The following KALRN variants were observed in gnomAD, a reference collection of about 807,000 sequenced individuals.
KALRN encodes the protein kalirin RhoGEF kinase.
Under a neutral mutation model 353.7 loss-of-function variants are expected in KALRN, and 70 were observed. The observed-to-expected ratio is 0.20, with a 90% CI of 0.16 to 0.24. The LOEUF (loss-of-function observed/expected upper bound fraction) is 0.24, where lower values mean the gene tolerates loss of function less well. Ranked by LOEUF, KALRN falls within the 10% of genes least tolerant of loss-of-function variation. The pLI, the probability that KALRN is intolerant of heterozygous loss-of-function variation, is 1.00. For missense variants in KALRN, 2,791 were observed against 3,756.7 expected (o/e 0.74, Z 6.72); for synonymous variants, 1,391 against 1,434.8 (o/e 0.97, Z 0.69).
intron 12 of KALRN, 49 bp from the exon 13 acceptor site, chr3:124,398,648 T>C: frequency 6.3e-7 from 1 of 1,599,090 alleles, no homozygotes; most frequent in Non-Finnish European, 8.6e-7. Context: ...CTGTCACTTT[T>C]AACATGGAAA....
At chr3:124,300,490 G>A (rs566764726) in intron 6 of KALRN, among the ~76,000 whole-genome samples, 24 of 152,288 alleles carry the variant, frequency 1.6e-4, no homozygotes, top group African/African-American at 5.8e-4. Context: ...GTCTTGCCAG[G>A]CAAAGCATGT....
At chr3:124,131,396 C>T (rs981641221) in intron 1 of KALRN, among the ~76,000 whole-genome samples, 27 of 152,272 alleles carry the variant, frequency 1.8e-4, no homozygotes, top group Admixed American at 1.6e-3. Context: ...TCCAGTCACT[C>T]CTCTACCTTT....
chr3:124,050,814 G>T (rs1368917923), intron 1 of KALRN, among the ~76,000 whole-genome samples: 1 of 152,164 alleles, frequency 6.6e-6, no homozygotes, highest in Non-Finnish European at 1.5e-5. Context: ...GGGAGCTTGA[G>T]AATTCAAGCT....
At chr3:124,257,787 C>G (rs1310247407) in intron 3 of KALRN, among the ~76,000 whole-genome samples, 1 of 152,112 alleles carries the variant, frequency 6.6e-6, no homozygotes, top group Non-Finnish European at 1.5e-5. Context: ...AGGGGGTCAC[C>G]CACTGTTCTT....
chr3:124,582,264 G>A (rs1270002414), intron 34 of KALRN, among the ~76,000 whole-genome samples: 2 of 151,996 alleles, frequency 1.3e-5, no homozygotes, highest in African/African-American at 2.4e-5. Flanking sequence ...CAGGTGATCC[G>A]CCCACCTTGG....
chr3:124,293,266 A>G (rs1462058094), intron 5 of KALRN, among the ~76,000 whole-genome samples: 1 of 152,238 alleles, frequency 6.6e-6, no homozygotes, highest in African/African-American at 2.4e-5. Flanking sequence ...CATATTTAAT[A>G]CCAATGTAAT....
chr3:124,035,266 A>G (rs2039311752), intron 1 of KALRN, among the ~76,000 whole-genome samples: 1 of 151,952 alleles, frequency 6.6e-6, no homozygotes, highest in Non-Finnish European at 1.5e-5. Flanking sequence ...CAGCACCCAA[A>G]AGCATGGATT....
chr3:124,367,070 C>A (rs2084880933), intron 10 of KALRN, among the ~76,000 whole-genome samples: 2 of 131,878 alleles, frequency 1.5e-5, no homozygotes, highest in Non-Finnish European at 3.3e-5. Context: ...GCTGACCCCC[C>A]CACCTCCCTC....
In KALRN at chr3:124,268,851, C is replaced by A. The variant is rs749782159; in HGVS notation, c.565C>A (p.Arg189=). The stretch of plus-strand genomic sequence containing the variant: ...CAACCATGAGGAGTGGATCGAACTG[C>A]GGCTCTCCCTGGAGGAGTTCTTCAA... ...DYNHEEWIEL[R]LSLEEFFNSA... is the part of the protein sequence containing the mutation. The change falls in exon 5 of 60, where the codon CGG becomes AGG. Residue 189 remains arginine (R), a synonymous_variant. Coordinates refer to ENST00000682506, the MANE Select transcript of KALRN (RefSeq NM_001388419.1). 1.2e-6 allele frequency: 2 copies of A among 1,614,108 alleles called. No individual in the cohort carries two copies. Among genetic ancestry groups the A allele is most frequent in the Admixed American group, 1.7e-5 (1 of 60,018 alleles).
At chr3:124,514,605 A>T (rs947885178) in intron 33 of KALRN, among the ~76,000 whole-genome samples, 4 of 152,170 alleles carry the variant, frequency 2.6e-5, no homozygotes, top group African/African-American at 9.7e-5. Context: ...GCAGATGAGG[A>T]AAACGTCACT....
rs889918445 is a variant in KALRN at position 124,719,279 on chromosome 3, C to T, written c.8770C>T (p.Arg2924Trp). 7 of 1,614,216 alleles carry T rather than the reference C, an allele frequency of 4.3e-6. No homozygotes were observed. Among genetic ancestry groups the T allele is most frequent in the South Asian group, 1.1e-5 (1 of 91,086 alleles). The change falls in exon 60 of 60, where the codon CGG (arginine) becomes TGG (tryptophan). Residue 2924 changes from arginine (R) to tryptophan (W), a missense_variant. Coordinates refer to ENST00000682506, the MANE Select transcript of KALRN (RefSeq NM_001388419.1). This position sits in a 1 kb window ranked among gnomAD's most constrained non-coding sequence, Gnocchi z 5.3. Reference protein sequence around the residue: ...FINVILQEDFRRRPTAATCLQ... With the variant: ...FINVILQEDFWRRPTAATCLQ... ...CAATGTGATCTTACAGGAAGATTTT[C>T]GGAGGCGGCCCACAGCAGCCACATG...
chr3:124,212,077 T>C (rs1196117196), intron 1 of KALRN, among the ~76,000 whole-genome samples: 1 of 152,174 alleles, frequency 6.6e-6, no homozygotes, highest in Non-Finnish European at 1.5e-5. Flanking sequence ...GGCAGAGGAT[T>C]ATAAAAATCT....
chr3:124,169,890 C>A (rs1490481390), intron 1 of KALRN, among the ~76,000 whole-genome samples: 1 of 152,016 alleles, frequency 6.6e-6, no homozygotes, highest in Non-Finnish European at 1.5e-5. Context: ...TATTTTTCCA[C>A]GAAGGAAACT....
At chr3:124,076,738 G>T (rs2060278891) in intron 1 of KALRN, among the ~76,000 whole-genome samples, 1 of 152,206 alleles carries the variant, frequency 6.6e-6, no homozygotes, top group African/African-American at 2.4e-5. Context: ...CAGCAATCAG[G>T]GACAGTAGGG....
intron 1 of KALRN, among the ~76,000 whole-genome samples, chr3:124,209,864 C>T (rs2076756592): frequency 1.3e-5 from 2 of 152,170 alleles, no homozygotes; most frequent in South Asian, 2.1e-4. Flanking sequence ...TACATCATCT[C>T]CAGGGTTCCC....
intron 34 of KALRN, among the ~76,000 whole-genome samples, chr3:124,580,042 G>T (rs946925647): frequency 2.6e-5 from 4 of 152,308 alleles, no homozygotes; most frequent in East Asian, 3.9e-4. Context: ...TGCCAAATGG[G>T]CAAGGACAAT....
At chr3:124,220,704 C>T (rs2077807026) in intron 1 of KALRN, among the ~76,000 whole-genome samples, 1 of 152,156 alleles carries the variant, frequency 6.6e-6, no homozygotes, top group Admixed American at 6.5e-5. Flanking sequence ...TTCATGGGGT[C>T]TTACACAAAC....
At chr3:124,330,093 T>A in intron 8 of KALRN, 101 bp downstream of exon 8, 1 of 1,246,834 alleles carries the variant, frequency 8.0e-7, no homozygotes, top group Non-Finnish European at 1.1e-6. Context: ...TGGGTGGGAC[T>A]AAGAAGAAGA....
At chr3:124,423,363 C>T (rs2092870960) in intron 15 of KALRN, among the ~76,000 whole-genome samples, 1 of 152,210 alleles carries the variant, frequency 6.6e-6, no homozygotes, top group Non-Finnish European at 1.5e-5. Context: ...ATTTGGGGCA[C>T]TGTGTGCCTG....
Sources: gnomAD v4.1 joint callset for allele counts (sites outside exome capture counted in the v4.1 genomes callset) on GRCh38, gnomAD v4.1.1 for gene constraint, Gnocchi (gnomAD v3.1) non-coding constraint, MANE v1.5 for transcripts, NCBI Gene and HGNC (gene_info 2026-07-23, HGNC 2026-07-21) for gene names.